Variants in NRG3 observed in about 807,000 individuals in gnomAD.
The protein encoded by NRG3 is neuregulin 3.
NRG3 carries 31 observed loss-of-function variants against 66.9 expected under a neutral mutation model. The ratio of observed to expected loss-of-function variants is 0.46; its 90% CI spans 0.35 to 0.63. NRG3 has a LOEUF of 0.63. Ranked by LOEUF, NRG3 falls within the 20% of genes least tolerant of loss-of-function variation. NRG3 has a pLI of 0.00. For missense variants in NRG3, 910 were observed against 878.9 expected (o/e 1.04, Z -0.45); for synonymous variants, 393 against 359.4 (o/e 1.09, Z -1.06).
intron 1 of NRG3, among the ~76,000 whole-genome samples, chr10:81,924,017 G>C (rs1386452153): frequency 6.6e-6 from 1 of 152,212 alleles, no homozygotes; most frequent in Non-Finnish European, 1.5e-5. Flanking sequence ...TGAATGCTGA[G>C]TGAATGCAGT....
chr10:82,349,095 T>C (rs550770306), intron 1 of NRG3, among the ~76,000 whole-genome samples: 56 of 152,196 alleles, frequency 3.7e-4, no homozygotes, highest in East Asian at 1.8e-3. Context: ...CAGCTTTGTT[T>C]CGTTGCTGGT....
Position 82,784,076 on chromosome 10 carries a change from T to C in NRG3, c.1027+45426T>C, listed in dbSNP as rs2060236667. Among the ~76,000 whole-genome samples, 3 of 152,038 alleles carry C rather than the reference T, an allele frequency of 2.0e-5. No homozygotes were observed. In the South Asian group the frequency reaches 6.2e-4, roughly 32 times the overall value. ...CTGCGTATCTACAACGATCTGATCT[T>C]TGACAAACCTGAGAAAAACAAGCAA... On this transcript the variant is annotated intron_variant, in intron 3 of 8. Coordinates refer to ENST00000372141, the MANE Select transcript of NRG3 (RefSeq NM_001010848.4).
intron 1 of NRG3, among the ~76,000 whole-genome samples, chr10:82,186,948 C>A (rs951707058): frequency 1.3e-5 from 2 of 152,054 alleles, no homozygotes; most frequent in Non-Finnish European, 2.9e-5. Context: ...TTTGCCAAGC[C>A]CTGTTTTATC....
At chr10:82,055,289 A>G (rs761491920) in intron 1 of NRG3, among the ~76,000 whole-genome samples, 8 of 151,876 alleles carry the variant, frequency 5.3e-5, no homozygotes, top group Non-Finnish European at 1.2e-4. Context: ...ATCCTGGCTA[A>G]CACAGTGAAA....
At chr10:82,952,471 C>CTG (rs60100337) in intron 5 of NRG3, among the ~76,000 whole-genome samples, 1,002 of 98,798 alleles carry the variant, frequency 0.01, 26 homozygotes, top group African/African-American at 0.023. Context: ...CTCTCTCTCT[C>CTG]TGTGTGTGTG....
In NRG3 at chr10:82,274,424, A is replaced by G. The variant is rs540965659; in HGVS notation, c.824-84315A>G. The stretch of plus-strand genomic sequence containing the variant: ...AGTTGTCAGATCTAGAATGATTATT[A>G]GCCTTTATTGCTGCTTTCTTCTTAA... On this transcript the variant is annotated intron_variant, in intron 1 of 8. Coordinates refer to ENST00000372141, the MANE Select transcript of NRG3 (RefSeq NM_001010848.4). Among the ~76,000 whole-genome samples, 13 of 125,144 alleles carry G rather than the reference A, an allele frequency of 1.0e-4. No individual in the cohort carries two copies. The South Asian group carries it at 2.9e-3, about 28-fold the overall frequency. 82.1% of individuals were successfully genotyped at this position (125,144 alleles called of 152,430 possible). A position where few individuals can be genotyped will look rare whatever the true frequency, so the allele number is the denominator to read the frequency against.
At chr10:82,769,102 A>C (rs2059620780) in intron 3 of NRG3, among the ~76,000 whole-genome samples, 1 of 152,146 alleles carries the variant, frequency 6.6e-6, no homozygotes, top group Admixed American at 6.6e-5. Context: ...TATTTGTAAC[A>C]TTTTAACCCA....
chr10:81,916,506 A>G (rs1363064874), intron 1 of NRG3, among the ~76,000 whole-genome samples: 1 of 152,206 alleles, frequency 6.6e-6, no homozygotes, highest in Non-Finnish European at 1.5e-5. Flanking sequence ...GCTAGGTGAC[A>G]TAAAAGACAT....
At chr10:81,946,083 C>T (rs999119135) in intron 1 of NRG3, among the ~76,000 whole-genome samples, 4 of 152,056 alleles carry the variant, frequency 2.6e-5, no homozygotes, top group African/African-American at 9.7e-5. Flanking sequence ...ATGGTGCAGT[C>T]TTGGCTCTCT....
intron 6 of NRG3, among the ~76,000 whole-genome samples, chr10:82,962,344 T>C (rs1322283759): frequency 6.6e-6 from 1 of 152,078 alleles, no homozygotes; most frequent in African/African-American, 2.4e-5. Context: ...GAAAAGAAAG[T>C]CATCAAAAGA....
At chr10:82,427,934 A>G (rs113489615) in intron 2 of NRG3, among the ~76,000 whole-genome samples, 275 of 152,114 alleles carry the variant, frequency 1.8e-3, no homozygotes, top group African/African-American at 6.2e-3. Context: ...GTCAGATTTT[A>G]TAGTTTGTAC....
intron 2 of NRG3, among the ~76,000 whole-genome samples, chr10:82,669,250 A>G (rs1375648377): frequency 9.0e-5 from 1 of 11,114 alleles, no homozygotes; most frequent in Non-Finnish European, 1.6e-4. Flanking sequence ...TTATGATGGT[A>G]ATAATAATAA....
At chr10:82,511,122 A>G (rs1845125787) in intron 2 of NRG3, among the ~76,000 whole-genome samples, 1 of 152,170 alleles carries the variant, frequency 6.6e-6, no homozygotes, top group Non-Finnish European at 1.5e-5. Flanking sequence ...TATGAACAGG[A>G]GAAGACTGGC....
At chr10:82,810,250 T>C (rs2135497191) in intron 3 of NRG3, among the ~76,000 whole-genome samples, 1 of 152,314 alleles carries the variant, frequency 6.6e-6, no homozygotes, top group South Asian at 2.1e-4. Context: ...TATGTATTGG[T>C]CTATTTCCTT....
chr10:82,735,714 A>G (rs1385272776), intron 2 of NRG3, among the ~76,000 whole-genome samples: 1 of 152,086 alleles, frequency 6.6e-6, no homozygotes, highest in Non-Finnish European at 1.5e-5. Flanking sequence ...ATGAAAGCAC[A>G]TGGACACAGG....
At chr10:82,810,737 T>TAA (rs750726119) in intron 3 of NRG3, among the ~76,000 whole-genome samples, 3,708 of 69,906 alleles carry the variant, frequency 0.053, 76 homozygotes, top group Non-Finnish European at 0.08. Context: ...CACTCCAGCC[T>TAA]AAAAAAAAAA....
chr10:82,124,636 G>A (rs2068309150), intron 1 of NRG3, among the ~76,000 whole-genome samples: 3 of 151,224 alleles, frequency 2.0e-5, no homozygotes, highest in Admixed American at 2.0e-4. Context: ...AAACCTAGAT[G>A]ATGGGTTGAT....
At chr10:82,376,653 G>C (rs1462074650) in intron 2 of NRG3, among the ~76,000 whole-genome samples, 2 of 152,126 alleles carry the variant, frequency 1.3e-5, no homozygotes, top group African/African-American at 4.8e-5. Flanking sequence ...ACCGCTTGTG[G>C]CATATTTCCC....
chr10:82,850,966 C>CT (rs34811788), intron 3 of NRG3, among the ~76,000 whole-genome samples: 2,300 of 152,126 alleles, frequency 0.015, 51 homozygotes, highest in African/African-American at 0.048. Flanking sequence ...AATCCCAGCA[C>CT]TTTTTTTACA....
Sources: allele counts gnomAD v4.1 joint callset (sites outside exome capture counted in the v4.1 genomes callset), GRCh38; gene constraint gnomAD v4.1.1; transcripts MANE v1.5; gene names NCBI Gene and HGNC (gene_info 2026-07-23, HGNC 2026-07-21).